Variants in ATAD2 observed in about 807,000 individuals in gnomAD.
ATAD2 encodes the protein ATPase family AAA domain containing 2, also known as ATPase family AAA domain-containing protein 2.
Under a neutral mutation model 168.9 loss-of-function variants are expected in ATAD2, and 62 were observed. The ratio of observed to expected loss-of-function variants is 0.37; its 90% CI spans 0.30 to 0.45. ATAD2 has a LOEUF of 0.45. ATAD2 is among the 20% of genes least tolerant of loss of function. ATAD2 has a pLI of 1.00. For synonymous variants in ATAD2, 613 were observed against 571.6 expected (o/e 1.07, Z -1.03); for missense variants, 1,419 against 1,667.8 (o/e 0.85, Z 2.60).
chr8:123,385,505 G>A (rs756993343), intron 1 of ATAD2, among the ~76,000 whole-genome samples: 5 of 152,066 alleles, frequency 3.3e-5, no homozygotes, highest in Non-Finnish European at 7.4e-5. Flanking sequence ...AAATGAGGGG[G>A]AAGTTGAGAT....
intron 2 of ATAD2, among the ~76,000 whole-genome samples, chr8:123,379,721 C>A (rs1016189889): frequency 2.0e-5 from 3 of 151,432 alleles, no homozygotes; most frequent in Non-Finnish European, 4.4e-5. Flanking sequence ...TGCCACTATG[C>A]CCAGCTATAT....
chr8:123,377,595 G>A (rs148023602), intron 2 of ATAD2, among the ~76,000 whole-genome samples: 1 of 152,246 alleles, frequency 6.6e-6, no homozygotes, highest in Non-Finnish European at 1.5e-5. Context: ...AAGGGGTTTT[G>A]CTAAAATGAA....
chr8:123,409,528 T>A (rs1412875208), intron 1 of ATAD2, among the ~76,000 whole-genome samples: 2 of 152,158 alleles, frequency 1.3e-5, no homozygotes, highest in East Asian at 1.9e-4. Context: ...GGTCTCACTC[T>A]GTCACACAGG....
At chr8:123,368,334 C>T (rs1270160792) in intron 8 of ATAD2, among the ~76,000 whole-genome samples, 2 of 152,152 alleles carry the variant, frequency 1.3e-5, no homozygotes, top group African/African-American at 4.8e-5. Flanking sequence ...AGGAGAATCG[C>T]TTGAACCCAG....
Position 123,319,971 on chromosome 8 carries a change from T to G in ATAD2, c.*1163A>C, listed in dbSNP as rs1827425197. On this transcript the variant is annotated 3_prime_UTR_variant, in exon 28 of 28. Coordinates refer to ENST00000287394, the MANE Select transcript of ATAD2 (RefSeq NM_014109.4). ...ATAAACCAACAAAAATGAGAATGTG[T>G]ATCTCCAGGAATATAAATATATTTA... 1 of 152,184 alleles carries G rather than the reference T, an allele frequency of 6.6e-6. No individual in the cohort carries two copies. Among genetic ancestry groups the G allele is most frequent in the Non-Finnish European group, 1.5e-5 (1 of 68,028 alleles). 9.4% of individuals were successfully genotyped at this position (152,184 alleles called of 1,614,324 possible).
intron 27 of ATAD2, among the ~76,000 whole-genome samples, chr8:123,321,436 AT>A (rs1158773185): frequency 2.6e-5 from 4 of 151,110 alleles, no homozygotes; most frequent in Non-Finnish European, 5.9e-5. Context: ...CAAGGTACTG[AT>A]GTAGTTAGAG....
rs1828250858 is a variant in ATAD2, at chr8:123,346,626, A to G, written c.2337T>C (p.His779=). Residue 779 remains histidine (H), a synonymous_variant, in exon 17 of 28, where the codon CAT becomes CAC. Coordinates refer to ENST00000287394, the MANE Select transcript of ATAD2 (RefSeq NM_014109.4). ...TTGCAAGAAAAATATACCTATTCAA[A>G]TGAAGAAAATTAAAATTGTCTTTTG... ...HKAKDNFNFL[H]LNRNACYQPM... is the part of the protein sequence containing the mutation. 2 of 1,558,252 alleles carry G rather than the reference A, an allele frequency of 1.3e-6. No individual in the cohort carries two copies. Among genetic ancestry groups the G allele is most frequent in the Admixed American group, 4.0e-5 (2 of 49,768 alleles).
Position 123,325,895 on chromosome 8 carries a change from T to C in ATAD2, c.4000A>G (p.Lys1334Glu). 1.9e-6 allele frequency: 3 copies of C among 1,613,882 alleles called. No homozygotes were observed. Among genetic ancestry groups the C allele is most frequent in the East Asian group, 2.2e-5 (1 of 44,882 alleles). ...PSLVVDHERL[K>E]NLLKTVVKKS... The stretch of plus-strand genomic sequence containing the variant: ...CATTATGATTTCAATTTACATACTT[T>C]TAATCGCTCATGATCCACAACAAGT... Residue 1334 changes from lysine (K) to glutamate (E), a missense_variant and splice_region_variant, in exon 26 of 28, where the codon AAA becomes GAA. Physicochemically the swap from Lys to Glu is moderately conservative, Grantham distance 56 (BLOSUM62 1). Around this residue, in one of 5 missense-constraint regions of ATAD2, gnomAD observed 303 missense variants for 304.3 expected, o/e 1.00. Coordinates refer to ENST00000287394, the MANE Select transcript of ATAD2 (RefSeq NM_014109.4).
chr8:123,348,381 C>G, intron 14 of ATAD2, 108 bp from the exon 15 acceptor site: 2 of 925,410 alleles, frequency 2.2e-6, no homozygotes, highest in Non-Finnish European at 3.2e-6. Flanking sequence ...TTAAAGTGAT[C>G]AGTACTTAAT....
In ATAD2 at chr8:123,321,059, C is replaced by T; in HGVS notation, c.*75G>A. The T allele has an allele frequency of 1.5e-6, 2 of 1,292,640 alleles. No individual in the cohort carries two copies. The highest frequency in any genetic ancestry group is 3.0e-5 in the African/African-American group (2 of 67,432). 80.1% of individuals were successfully genotyped at this position (1,292,640 alleles called of 1,614,324 possible). A position where few individuals can be genotyped will look rare whatever the true frequency, so the allele number is the denominator to read the frequency against. On this transcript the variant is annotated 3_prime_UTR_variant, in exon 28 of 28. Coordinates refer to ENST00000287394, the MANE Select transcript of ATAD2 (RefSeq NM_014109.4). ...CTTAAAGATGCAGGGTTTCATACTA[C>T]ATCAATTAGGCGGACATGACAAAAA...
intron 26 of ATAD2, among the ~76,000 whole-genome samples, chr8:123,323,915 TTTAA>T (rs560804460): frequency 5.9e-5 from 9 of 152,282 alleles, no homozygotes; most frequent in Middle Eastern, 3.4e-3. Context: ...CAGTAATGAA[TTTAA>T]TTGACTCTGA....
At chr8:123,383,702 G>A (rs1392627874) in intron 1 of ATAD2, among the ~76,000 whole-genome samples, 1 of 151,988 alleles carries the variant, frequency 6.6e-6, no homozygotes. Context: ...GAACCCAGGA[G>A]GCGGAGGTTG....
Position 123,409,671 on chromosome 8 carries a change from T to A in ATAD2, c.-2282+6577A>T, listed in dbSNP as rs1269274469. On this transcript the variant is annotated intron_variant, in intron 1 of 28. Transcript: ENST00000521903. ...CTACACCCATTCTAGTTTTCGTTTT[T>A]AAATAATAATCCTTGGCTGGGCACA... Among the ~76,000 whole-genome samples, 5 of 151,930 alleles carry A rather than the reference T, an allele frequency of 3.3e-5. No individual in the cohort carries two copies. The East Asian group carries it at 9.8e-4, about 30-fold the overall frequency.
chr8:123,381,422 G>A (rs773153027), intron 1 of ATAD2, among the ~76,000 whole-genome samples: 16 of 152,104 alleles, frequency 1.1e-4, no homozygotes, highest in Admixed American at 2.6e-4. Context: ...GATGATTTGA[G>A]CCTGGGAGGT....
chr8:123,329,491 G>A (rs936057037), intron 24 of ATAD2, among the ~76,000 whole-genome samples: 3 of 151,988 alleles, frequency 2.0e-5, no homozygotes, highest in Non-Finnish European at 2.9e-5. Context: ...GGCTGGGCGC[G>A]GTGGCTCACG....
rs761794223 is a variant in ATAD2, at chr8:123,323,045, T to A, written c.4024A>T (p.Lys1342Ter). ...RLKNLLKTVV[K>*]KSQNYNIFQL... ...AATATGTTGTAGTTTTGACTTTTTT[T>A]AACAACAGTCTTCAAAAGATTCTAA... Residue 1342 changes from lysine to a stop codon, truncating the protein, a stop_gained, in exon 27 of 28, where the codon AAA (lysine) becomes TAA (stop). Transcript: ENST00000287394. LOFTEE classifies it high-confidence loss of function. The A allele has an allele frequency of 5.6e-6, 9 of 1,611,698 alleles. No individual in the cohort carries two copies. The highest frequency in any genetic ancestry group is 2.7e-5 in the African/African-American group (2 of 74,872).
At chr8:123,346,773 A>G in intron 16 of ATAD2, 23 bp from the exon 17 acceptor site, 1 of 1,563,048 alleles carries the variant, frequency 6.4e-7, no homozygotes, top group East Asian at 2.3e-5. Context: ...AAAATTGTAC[A>G]TTAGTAACTT....
Position 123,349,269 on chromosome 8 carries a change from G to T in ATAD2, c.1806+16C>A. On this transcript the variant is annotated intron_variant, in intron 14 of 27. Coordinates refer to ENST00000287394, the MANE Select transcript of ATAD2 (RefSeq NM_014109.4). The stretch of plus-strand genomic sequence containing the variant: ...CAATATATTTTGTCAAAATTTGAGT[G>T]ACATTAAATTCTTACCTCTTTATCA... 2.5e-6 allele frequency: 4 copies of T among 1,601,412 alleles called. No individual in the cohort carries two copies. The highest frequency in any genetic ancestry group is 3.4e-6 in the Non-Finnish European group (4 of 1,176,120).
chr8:123,406,715 A>G (rs1813072067), intron 1 of ATAD2, among the ~76,000 whole-genome samples: 1 of 150,766 alleles, frequency 6.6e-6, no homozygotes, highest in Non-Finnish European at 1.5e-5. Context: ...TGCTTGGGAG[A>G]CTGAGTCAGG....
Sources: gnomAD v4.1 joint callset for allele counts (sites outside exome capture counted in the v4.1 genomes callset) on GRCh38, gnomAD v4.1.1 for gene constraint, gnomAD v4.1.1 regional missense constraint, MANE v1.5 for transcripts, NCBI Gene and HGNC (gene_info 2026-07-23, HGNC 2026-07-21) for gene names.